The following POP4 variants were observed in gnomAD, a reference collection of about 807,000 sequenced individuals.
POP4 encodes ribonuclease P protein subunit p29.
POP4 carries 31 observed loss-of-function variants against 29.9 expected under a neutral mutation model. That is an observed-to-expected ratio of 1.04 (90% CI 0.78 to 1.40). The LOEUF is 1.40. Ranked by LOEUF, POP4 falls within the 40% of genes most tolerant of loss-of-function variation. The pLI is 0.00. For synonymous variants in POP4, 110 were observed against 108.2 expected, an observed-to-expected ratio of 1.02 and a Z score of -0.10; for missense variants, 286 against 282.7, an observed-to-expected ratio of 1.01 and a Z score of -0.08.
intron 6 of POP4, 130 bp downstream of exon 6, chr19:29,614,102 C>G: frequency 6.9e-7 from 1 of 1,442,846 alleles, no homozygotes; most frequent in Non-Finnish European, 9.1e-7. Context: ...ACTTGCTGAA[C>G]CTGCATTAAA....
In POP4 at chr19:29,611,861, G is replaced by A; in HGVS notation, c.285-1G>A. On this transcript the variant is annotated splice_acceptor_variant, in intron 3 of 6. Transcript: ENST00000585603. LOFTEE classifies it high-confidence loss of function. ...TTTCCCTGTTTCTGACTTTGCTGCA[G>A]ATACAGCCTTTTCCTCCCTCTCCAT... is the stretch of plus-strand genomic sequence containing the variant. The A allele has an allele frequency of 6.2e-7, 1 of 1,613,962 alleles. No individual in the cohort carries two copies. Among genetic ancestry groups the A allele is most frequent in the African/African-American group, 1.3e-5 (1 of 75,038 alleles).
chr19:29,613,966 C>A lies in POP4; in HGVS notation c.520C>A (p.Leu174Met). ...CAAAATTATCACCAAAGAAGACCGC[C>A]TGAAAGGTATGTAGGTGTTTCTGAG... Reference protein sequence around the residue: ...IFKIITKEDRLKVIPKLNCVF... With the variant: ...IFKIITKEDRMKVIPKLNCVF... Residue 174 changes from leucine to methionine, a missense_variant, in exon 6 of 7, where the codon CTG (leucine) becomes ATG (methionine). By Grantham distance (15) the Leu-to-Met change is conservative. Transcript: ENST00000585603. 1 of 1,613,222 alleles carries A rather than the reference C, an allele frequency of 6.2e-7. No individual in the cohort carries two copies. Among genetic ancestry groups the A allele is most frequent in the Non-Finnish European group, 8.5e-7 (1 of 1,179,658 alleles).
Position 29,610,469 on chromosome 19 carries a change from CG to C in POP4, c.122del (p.Arg41ProfsTer2). ...VRAFLKRSTPRMSPQAREDQL... is the reference protein window; with the variant it reads ...VRAFLKRSTPXMSPQAREDQL... ...GGCCTTCCTGAAGCGCAGCACGCCC[CG>C]CATGAGCCCGCAGGCCCGCGAGGAC... is the stretch of plus-strand genomic sequence containing the variant. On this transcript the variant is annotated frameshift_variant, in exon 3 of 7. Coordinates refer to ENST00000585603, the MANE Select transcript of POP4 (RefSeq NM_006627.3). LOFTEE classifies it high-confidence loss of function. The C allele has an allele frequency of 6.2e-7, 1 of 1,603,048 alleles. No homozygotes were observed. Among genetic ancestry groups the C allele is most frequent in the Non-Finnish European group, 8.5e-7 (1 of 1,175,006 alleles).
At chr19:29,614,873 C>T (rs1330481478) in intron 6 of POP4, among the ~76,000 whole-genome samples, 1 of 152,164 alleles carries the variant, frequency 6.6e-6, no homozygotes, top group Non-Finnish European at 1.5e-5. Context: ...CCTTCTACCT[C>T]ACATTGTAAA....
chr19:29,606,961 G>A (rs1971005364), intron 1 of POP4, among the ~76,000 whole-genome samples: 2 of 152,178 alleles, frequency 1.3e-5, no homozygotes, highest in Admixed American at 6.5e-5. Context: ...TTCAGTAATT[G>A]TTAGATGTGT....
intron 1 of POP4, among the ~76,000 whole-genome samples, 188 bp from the exon 2 acceptor site, chr19:29,608,469 G>A (rs1971029159): frequency 6.6e-6 from 1 of 151,890 alleles, no homozygotes; most frequent in African/African-American, 2.4e-5. Context: ...GTTTCACCAT[G>A]TTGGCCAGGC....
In POP4 at chr19:29,606,335, G is replaced by T. The variant is rs777779351; in HGVS notation, c.7+10G>T. Reference sequence around the variant, plus strand: ...GGTCCGAGAATGAAGAGTAAGCGGGGCCGCGAAGTTGGAGAGGGTTGGGGA... The same window carrying T: ...GGTCCGAGAATGAAGAGTAAGCGGGTCCGCGAAGTTGGAGAGGGTTGGGGA... On this transcript the variant is annotated intron_variant, in intron 1 of 6. Coordinates refer to ENST00000585603, the MANE Select transcript of POP4 (RefSeq NM_006627.3). 3 of 1,606,260 alleles carry T rather than the reference G, an allele frequency of 1.9e-6. No individual in the cohort carries two copies. Among genetic ancestry groups the T allele is most frequent in the East Asian group, 4.5e-5 (2 of 43,996 alleles).
intron 3 of POP4, chr19:29,610,849 G>A (rs185310910): frequency 1.7e-6 from 1 of 574,246 alleles, no homozygotes; most frequent in East Asian, 2.9e-5. Context: ...CTCACCTTCA[G>A]GAGTAAGACC....
chr19:29,609,529 C>A (rs1194643850), intron 2 of POP4, among the ~76,000 whole-genome samples: 1 of 152,218 alleles, frequency 6.6e-6, no homozygotes, highest in Non-Finnish European at 1.5e-5. Context: ...GAGAACTGCC[C>A]AGGTCTGTGG....
rs547325169 is a variant in POP4 at position 29,610,449 on chromosome 19, T to C, written c.101T>C (p.Phe34Ser). Residue 34 changes from phenylalanine to serine, a missense_variant, in exon 3 of 7, where the codon TTC becomes TCC. Transcript: ENST00000585603. ...CGGGCCGAGGCCTTCGTGAGGGCCT[T>C]CCTGAAGCGCAGCACGCCCCGCATG... The part of the protein sequence containing the change: ...AQRAEAFVRA[F>S]LKRSTPRMSP... 31 of 1,590,806 alleles carry C rather than the reference T, an allele frequency of 1.9e-5. No homozygotes were observed. The highest frequency in any genetic ancestry group is 2.6e-5 in the Non-Finnish European group (30 of 1,168,906).
chr19:29,608,691 G>C lies in POP4; in HGVS notation c.42G>C (p.Ala14=). 1 of 1,613,936 alleles carries C rather than the reference G, an allele frequency of 6.2e-7. No homozygotes were observed. The highest frequency in any genetic ancestry group is 8.5e-7 in the Non-Finnish European group (1 of 1,179,890). Residue 14 remains alanine (A), a synonymous_variant, in exon 2 of 7, where the codon GCG becomes GCC. Coordinates refer to ENST00000585603, the MANE Select transcript of POP4 (RefSeq NM_006627.3). ...ACCATGCATTGTCTCAGAAAGAGGCGAATGACTCCGATGTCCAGGTCAGTT... is the reference window on the plus strand; with the variant it reads ...ACCATGCATTGTCTCAGAAAGAGGCCAATGACTCCGATGTCCAGGTCAGTT... ...VIYHALSQKE[A]NDSDVQPSGA...
At position 29,615,341 on chromosome 19, in the gene POP4, T is replaced by G. The variant is rs1277960171; in HGVS notation, c.624T>G (p.Ser208=). 1 of 1,613,864 alleles carries G rather than the reference T, an allele frequency of 6.2e-7. No homozygotes were observed. The highest frequency in any genetic ancestry group is 2.2e-5 in the East Asian group (1 of 44,882). ...SKFQLRSSER[S]AKKFKAKGTI... is the part of the protein sequence containing the mutation. Reference sequence around the variant, plus strand: ...TCCAGCTTCGGTCAAGTGAACGGTCTGCGAAGAAGTTCAAAGCGAAGGGAA... The same window carrying G: ...TCCAGCTTCGGTCAAGTGAACGGTCGGCGAAGAAGTTCAAAGCGAAGGGAA... Residue 208 remains serine, a synonymous_variant, in exon 7 of 7, where the codon TCT becomes TCG. Coordinates refer to ENST00000585603, the MANE Select transcript of POP4 (RefSeq NM_006627.3).
chr19:29,609,124 C>T (rs897229501), intron 2 of POP4: 6 of 160,992 alleles, frequency 3.7e-5, no homozygotes, highest in Non-Finnish European at 8.1e-5. Flanking sequence ...GCAAAAGTTC[C>T]TCTTGTGGCT....
At chr19:29,613,155 T>C (rs1278992368) in intron 5 of POP4, 3 of 152,734 alleles carry the variant, frequency 2.0e-5, no homozygotes, top group Non-Finnish European at 2.9e-5. Flanking sequence ...GGGTCTACCA[T>C]TGCAAACCAT....
chr19:29,611,767 A>G (rs1230402120), intron 3 of POP4, 95 bp from the exon 4 acceptor site: 4 of 988,534 alleles, frequency 4.0e-6, no homozygotes, highest in Non-Finnish European at 4.8e-6. Flanking sequence ...CCCAGGTTGC[A>G]GTTGTTGGCA....
At chr19:29,606,429 A>C in intron 1 of POP4, 104 bp downstream of exon 1, 1 of 1,344,936 alleles carries the variant, frequency 7.4e-7, no homozygotes, top group South Asian at 1.5e-5. Flanking sequence ...GCGGAGTCCT[A>C]ACAGAACCGC....
chr19:29,608,059 A>G (rs1971020629), intron 1 of POP4, among the ~76,000 whole-genome samples: 1 of 152,196 alleles, frequency 6.6e-6, no homozygotes, highest in South Asian at 2.1e-4. Context: ...GATCCCAGAG[A>G]TTTTTACACA....
chr19:29,608,262 C>CTTTTTTTTT (rs1164860504), intron 1 of POP4, among the ~76,000 whole-genome samples: 40 of 86,556 alleles, frequency 4.6e-4, no homozygotes, highest in South Asian at 1.3e-3. Context: ...CTTTTCTTTT[C>CTTTTTTTTT]TTTTTTTTTT....
At chr19:29,612,269 A>G in intron 5 of POP4, 91 bp downstream of exon 5, 2 of 1,224,558 alleles carry the variant, frequency 1.6e-6, no homozygotes, top group Non-Finnish European at 2.3e-6. Flanking sequence ...TGTTGGACAC[A>G]CTCTTTACCG....
Sources: gnomAD v4.1 joint callset for allele counts (sites outside exome capture counted in the v4.1 genomes callset) on GRCh38, gnomAD v4.1.1 for gene constraint, MANE v1.5 for transcripts, NCBI Gene and HGNC (gene_info 2026-07-23, HGNC 2026-07-21) for gene names.